The following GRID2 variants were observed in gnomAD, a reference collection of about 807,000 sequenced individuals.
GRID2 encodes the protein glutamate receptor ionotropic, delta-2.
A neutral mutation model predicts 114.8 loss-of-function variants in GRID2; 33 were observed. That is an observed-to-expected ratio of 0.29 (90% confidence interval 0.22 to 0.38). GRID2 has a LOEUF of 0.38. GRID2 is among the 10% of genes least tolerant of loss of function. The pLI is 1.00. For synonymous variants in GRID2, 505 were observed against 449.9 expected (o/e 1.12, Z -1.55); for missense variants, 1,184 against 1,257.7 (o/e 0.94, Z 0.89).
At chr4:93,069,526 A>G (rs920324120) in intron 2 of GRID2, among the ~76,000 whole-genome samples, 8 of 152,028 alleles carry the variant, frequency 5.3e-5, no homozygotes, top group African/African-American at 1.9e-4. Context: ...TAGAAACAGT[A>G]AAGTAAAAAT....
At chr4:92,868,439 C>G (rs759669005) in intron 2 of GRID2, among the ~76,000 whole-genome samples, 1 of 152,064 alleles carries the variant, frequency 6.6e-6, no homozygotes, top group Non-Finnish European at 1.5e-5. Context: ...CCCATACATA[C>G]GAATTTATCT....
intron 15 of GRID2, among the ~76,000 whole-genome samples, chr4:93,771,592 A>T (rs1198568902): frequency 6.6e-6 from 1 of 152,210 alleles, no homozygotes; most frequent in Non-Finnish European, 1.5e-5. Context: ...TCAGTATGAA[A>T]TAGCTTACTA....
intron 2 of GRID2, among the ~76,000 whole-genome samples, chr4:92,888,297 A>G (rs565043205): frequency 5.9e-5 from 9 of 152,192 alleles, no homozygotes; most frequent in Non-Finnish European, 1.3e-4. Context: ...AGGGCTCAGA[A>G]GAGGTTTTTG....
intron 2 of GRID2, among the ~76,000 whole-genome samples, chr4:92,772,691 G>A (rs1578171994): frequency 6.6e-6 from 1 of 152,024 alleles, no homozygotes; most frequent in African/African-American, 2.4e-5. Flanking sequence ...ATATTACTAT[G>A]TAGTCAAAGA....
At chr4:92,875,419 C>T (rs1052440535) in intron 2 of GRID2, among the ~76,000 whole-genome samples, 1 of 152,120 alleles carries the variant, frequency 6.6e-6, no homozygotes, top group African/African-American at 2.4e-5. Flanking sequence ...CTGCCTCAGC[C>T]TTCCAAAGTG....
At chr4:92,889,132 TA>T (rs1325133556) in intron 2 of GRID2, among the ~76,000 whole-genome samples, 1 of 152,136 alleles carries the variant, frequency 6.6e-6, no homozygotes, top group African/African-American at 2.4e-5. Flanking sequence ...CTCATGGAAA[TA>T]AACCTTTATA....
intron 2 of GRID2, among the ~76,000 whole-genome samples, chr4:93,036,787 T>C (rs1189565214): frequency 2.6e-5 from 4 of 152,196 alleles, no homozygotes; most frequent in African/African-American, 9.6e-5. Context: ...GTAGTGGTGT[T>C]ACATTTTAAC....
chr4:93,498,557 T>C (rs1345537835), intron 12 of GRID2, among the ~76,000 whole-genome samples: 1 of 151,918 alleles, frequency 6.6e-6, no homozygotes, highest in Non-Finnish European at 1.5e-5. Flanking sequence ...GCTGATTTTA[T>C]CTTGTAATCT....
chr4:93,502,033 A>G (rs1236812900), intron 12 of GRID2, among the ~76,000 whole-genome samples: 3 of 152,018 alleles, frequency 2.0e-5, no homozygotes, highest in Non-Finnish European at 2.9e-5. Context: ...AAAAGAACCT[A>G]TGCTTGGAGT....
intron 2 of GRID2, among the ~76,000 whole-genome samples, chr4:92,935,225 G>C (rs1280606851): frequency 6.8e-6 from 1 of 146,526 alleles, no homozygotes; most frequent in Non-Finnish European, 1.5e-5. Context: ...GTGGGCAAAG[G>C]ACATGAACAG....
intron 2 of GRID2, among the ~76,000 whole-genome samples, chr4:92,923,580 TTC>T (rs1351061174): frequency 1.3e-5 from 2 of 152,214 alleles, no homozygotes; most frequent in African/African-American, 2.4e-5. Context: ...TTGTTTTATT[TTC>T]TGTTATAAAA....
chr4:93,340,517 T>C (rs1039799316), intron 8 of GRID2, among the ~76,000 whole-genome samples: 1 of 152,130 alleles, frequency 6.6e-6, no homozygotes, highest in Non-Finnish European at 1.5e-5. Flanking sequence ...AGGAGTTTTT[T>C]TGGTTGTTTT....
chr4:92,339,651 G>A (rs1727372189), intron 1 of GRID2, among the ~76,000 whole-genome samples: 1 of 152,110 alleles, frequency 6.6e-6, no homozygotes, highest in African/African-American at 2.4e-5. Context: ...AGGCAATGTA[G>A]AATCCTGAGT....
chr4:92,501,591 T>C (rs943313077), intron 1 of GRID2, among the ~76,000 whole-genome samples: 6 of 152,110 alleles, frequency 3.9e-5, no homozygotes, highest in Non-Finnish European at 8.8e-5. Context: ...TCAAGGCCTG[T>C]AAGCTCTTTA....
At chr4:93,390,600 T>C (rs182990525) in intron 8 of GRID2, among the ~76,000 whole-genome samples, 8 of 152,276 alleles carry the variant, frequency 5.3e-5, no homozygotes, top group Admixed American at 1.3e-4. Context: ...CTAGAGCTTC[T>C]TATCTGAACT....
intron 13 of GRID2, among the ~76,000 whole-genome samples, chr4:93,544,558 A>G (rs1733004700): frequency 6.6e-6 from 1 of 152,012 alleles, no homozygotes; most frequent in Admixed American, 6.6e-5. Context: ...CAGGTGGATC[A>G]CCTGAGGTCG....
At chr4:92,950,226 G>C (rs770082141) in intron 2 of GRID2, among the ~76,000 whole-genome samples, 3 of 152,038 alleles carry the variant, frequency 2.0e-5, no homozygotes, top group Non-Finnish European at 4.4e-5. Flanking sequence ...TCAAACACCA[G>C]GTGGTCTAAT....
intron 1 of GRID2, among the ~76,000 whole-genome samples, chr4:92,458,879 A>G (rs1408956611): frequency 1.3e-5 from 2 of 152,166 alleles, no homozygotes; most frequent in African/African-American, 4.8e-5. Context: ...ATATAAATAA[A>G]ATGTCCTTAA....
At chr4:93,005,277 C>T (rs1721391860) in intron 2 of GRID2, among the ~76,000 whole-genome samples, 1 of 152,038 alleles carries the variant, frequency 6.6e-6, no homozygotes, top group Non-Finnish European at 1.5e-5. Flanking sequence ...AGGAGTTATT[C>T]TTGAATGATA....
Sources: gnomAD v4.1 joint callset for allele counts (sites outside exome capture counted in the v4.1 genomes callset) on GRCh38, gnomAD v4.1.1 for gene constraint, MANE v1.5 for transcripts, NCBI Gene and HGNC (gene_info 2026-07-23, HGNC 2026-07-21) for gene names.